Variants in MEI1 observed in about 807,000 individuals in gnomAD.
The protein encoded by MEI1 is meiotic double-stranded break formation protein 1, also known as meiosis inhibitor protein 1.
A neutral mutation model predicts 146.2 loss-of-function variants in MEI1; 103 were observed. That is an observed-to-expected ratio of 0.70 (90% CI 0.60 to 0.83). MEI1 has a LOEUF of 0.83. Among genes scored for constraint, MEI1 ranks in the 40% least tolerant of loss-of-function variants. MEI1 has a pLI of 0.00. For synonymous variants in MEI1, 652 were observed against 628.2 expected (o/e 1.04, Z -0.57); for missense variants, 1,529 against 1,533.0 (o/e 1.00, Z 0.04).
intron 28 of MEI1, 26 bp downstream of exon 28, chr22:41,794,503 G>A (rs2076296581): frequency 6.3e-7 from 1 of 1,587,484 alleles, no homozygotes. Flanking sequence ...ATATCTTGTG[G>A]TCTGAGGAGT....
Position 41,795,114 on chromosome 22 carries a change from A to C in MEI1, c.3535-297A>C, listed in dbSNP as rs1906340758. ...GTACAAGAGCACATGGTGGTATGTC[A>C]GGGGAGCCACACGTAGTTCATTTTG... On this transcript the variant is annotated intron_variant, in intron 28 of 30. Coordinates refer to ENST00000401548, the MANE Select transcript of MEI1 (RefSeq NM_152513.4). This position sits in a 1 kb window ranked among gnomAD's most constrained non-coding sequence, Gnocchi z 4.2. Among the ~76,000 whole-genome samples, 1 of 152,202 alleles carries C rather than the reference A, an allele frequency of 6.6e-6. No individual in the cohort carries two copies. Among genetic ancestry groups the C allele is most frequent in the African/African-American group, 2.4e-5 (1 of 41,448 alleles).
chr22:41,787,159 TG>T (rs1488652573), intron 26 of MEI1, among the ~76,000 whole-genome samples: 1 of 152,230 alleles, frequency 6.6e-6, no homozygotes, highest in African/African-American at 2.4e-5. Context: ...GGTTAATCTT[TG>T]TGTGTCCTTC....
chr22:41,745,117 G>T, intron 13 of MEI1, 53 bp downstream of exon 13: 1 of 1,273,240 alleles, frequency 7.9e-7, no homozygotes, highest in South Asian at 1.5e-5. Context: ...GGGGTGGAAG[G>T]GATTCAGACA....
Position 41,733,899 on chromosome 22 carries a change from G to A in MEI1, c.1331+1296G>A, listed in dbSNP as rs375532430. ...CCCAGCACTTTGGGAGGCCAAGGTCGGCGGACCACCTGAAGTCGGGAGTTT... is the reference window on the plus strand; with the variant it reads ...CCCAGCACTTTGGGAGGCCAAGGTCAGCGGACCACCTGAAGTCGGGAGTTT... On this transcript the variant is annotated intron_variant, in intron 11 of 30. Transcript: ENST00000401548. Among the ~76,000 whole-genome samples the A allele has an allele frequency of 4.6e-5, 7 of 151,610 alleles. No individual in the cohort carries two copies. In the East Asian group the frequency reaches 7.8e-4, roughly 17 times the overall value.
chr22:41,753,815 C>G, intron 16 of MEI1, 134 bp from the exon 17 acceptor site: 1 of 685,666 alleles, frequency 1.5e-6, no homozygotes, highest in Non-Finnish European at 2.6e-6. Flanking sequence ...AAGACCTCCT[C>G]TGCCACGGCC....
At chr22:41,713,965 G>T in intron 3 of MEI1, 37 bp from the exon 4 acceptor site, 1 of 1,545,010 alleles carries the variant, frequency 6.5e-7, no homozygotes, top group Non-Finnish European at 8.8e-7. Context: ...TGGGTTGGGG[G>T]TGCCTCCTGG....
At chr22:41,798,559 C>T (rs920974186) in intron 30 of MEI1, among the ~76,000 whole-genome samples, 4 of 150,130 alleles carry the variant, frequency 2.7e-5, no homozygotes, top group Non-Finnish European at 4.4e-5. Flanking sequence ...GCCTGGGCAA[C>T]AGACCAAGAC....
chr22:41,732,077 C>G (rs1012898349), intron 9 of MEI1, among the ~76,000 whole-genome samples, 168 bp from the exon 10 acceptor site: 2 of 152,084 alleles, frequency 1.3e-5, no homozygotes, highest in East Asian at 3.9e-4. Flanking sequence ...GAGGGCCCGG[C>G]CTCAAAGATC....
intron 3 of MEI1, chr22:41,709,461 A>ATCACCTTCAGCCTT (rs1355744122): frequency 1.6e-4 from 109 of 664,314 alleles, no homozygotes; most frequent in Non-Finnish European, 1.0e-4. Flanking sequence ...CTCCTTTAGC[A>ATCACCTTCAGCCTT]TCACCTTCAG....
At chr22:41,758,688 T>G (rs2074260320) in intron 18 of MEI1, 155 bp downstream of exon 18, 1 of 756,730 alleles carries the variant, frequency 1.3e-6, no homozygotes, top group Non-Finnish European at 2.1e-6. Context: ...GGCTCATATC[T>G]TAGAAGTGGG....
Position 41,777,907 on chromosome 22 carries a change from ATCT to A in MEI1, c.2711-793_2711-791del, listed in dbSNP as rs376097013. 1.5e-3 allele frequency among the ~76,000 whole-genome samples: 206 copies of A among 135,826 alleles called. 2 individuals carry two copies. The highest frequency in any genetic ancestry group is 5.4e-3 in the African/African-American group (194 of 35,622). The allele number at this position is 135,826 out of a possible 152,430, so 89.1% of individuals were successfully genotyped here. On this transcript the variant is annotated intron_variant, in intron 21 of 30. Transcript: ENST00000401548. Reference sequence around the variant, plus strand: ...TTCCATCCATCCTTCTTTCTCCTTCATCTTCTTCTTTCTTCTTCTTCTTTTCTT... The same window carrying A: ...TTCCATCCATCCTTCTTTCTCCTTCATCTTCTTTCTTCTTCTTCTTTTCTT...
intron 6 of MEI1, among the ~76,000 whole-genome samples, chr22:41,721,814 G>A (rs1043544497): frequency 3.8e-5 from 5 of 130,790 alleles, no homozygotes; most frequent in Non-Finnish European, 7.7e-5. Flanking sequence ...TCTGCCTCCC[G>A]GGTTCAAGTG....
At chr22:41,742,617 G>A (rs546180566) in intron 11 of MEI1, among the ~76,000 whole-genome samples, 2 of 152,324 alleles carry the variant, frequency 1.3e-5, no homozygotes, top group East Asian at 3.9e-4. Flanking sequence ...GAGAGGGCAA[G>A]GAATGTACAA....
intron 15 of MEI1, among the ~76,000 whole-genome samples, chr22:41,748,693 C>A (rs1017487812): frequency 6.6e-6 from 1 of 152,156 alleles, no homozygotes; most frequent in African/African-American, 2.4e-5. Context: ...TGATTGTACT[C>A]ATTCCACTGA....
At chr22:41,740,707 G>A (rs1015559875) in intron 11 of MEI1, among the ~76,000 whole-genome samples, 1 of 152,076 alleles carries the variant, frequency 6.6e-6, no homozygotes, top group African/African-American at 2.4e-5. Flanking sequence ...TCCAGCCTGG[G>A]CAGCAGAGCG....
chr22:41,756,978 C>T (rs1047690976), intron 17 of MEI1, among the ~76,000 whole-genome samples: 2 of 152,268 alleles, frequency 1.3e-5, no homozygotes, highest in African/African-American at 2.4e-5. Context: ...TATCCAGTGA[C>T]ACTGAATGGA....
chr22:41,780,770 A>G (rs2075721089), intron 22 of MEI1, among the ~76,000 whole-genome samples: 1 of 151,466 alleles, frequency 6.6e-6, no homozygotes, highest in South Asian at 2.1e-4. Context: ...TTTTGTGGAG[A>G]GACGGGGTCT....
At chr22:41,775,962 T>C in intron 20 of MEI1, 140 bp from the exon 21 acceptor site, 1 of 767,124 alleles carries the variant, frequency 1.3e-6, no homozygotes, top group South Asian at 1.8e-5. Context: ...TGGTACATAA[T>C]AGGTGCTGAG....
chr22:41,733,899 G>C (rs375532430), intron 11 of MEI1, among the ~76,000 whole-genome samples: 3 of 151,492 alleles, frequency 2.0e-5, no homozygotes, highest in Non-Finnish European at 2.9e-5. Context: ...GGCCAAGGTC[G>C]GCGGACCACC....
Sources: gnomAD v4.1 joint callset for allele counts (sites outside exome capture counted in the v4.1 genomes callset) on GRCh38, gnomAD v4.1.1 for gene constraint, Gnocchi (gnomAD v3.1) non-coding constraint, MANE v1.5 for transcripts, NCBI Gene and HGNC (gene_info 2026-07-23, HGNC 2026-07-21) for gene names.